Variants in SHANK2 observed in about 807,000 individuals in gnomAD.
SHANK2 encodes SH3 and multiple ankyrin repeat domains 2, also known as SH3 and multiple ankyrin repeat domains protein 2.
Under a neutral mutation model 133.7 loss-of-function variants are expected in SHANK2, and 43 were observed. The ratio of observed to expected loss-of-function variants is 0.32; its 90% confidence interval spans 0.25 to 0.41. The LOEUF (loss-of-function observed/expected upper bound fraction) is 0.41. Among genes scored for constraint, SHANK2 ranks in the 10% least tolerant of loss-of-function variants. SHANK2 has a pLI of 1.00. For synonymous variants in SHANK2, 1,017 were observed against 952.8 expected, an observed-to-expected ratio of 1.07 and a Z score of -1.24; for missense variants, 1,994 against 2,235.8, an observed-to-expected ratio of 0.89 and a Z score of 2.18.
intron 21 of SHANK2, among the ~76,000 whole-genome samples, chr11:70,499,147 G>A (rs1165810880): frequency 2.6e-5 from 4 of 152,254 alleles, no homozygotes; most frequent in African/African-American, 4.8e-5. Context: ...CCCGCACTTC[G>A]CATGTGCGCC....
intron 9 of SHANK2, among the ~76,000 whole-genome samples, chr11:71,070,397 G>A (rs1186601052): frequency 6.6e-6 from 1 of 152,226 alleles, no homozygotes; most frequent in Non-Finnish European, 1.5e-5. Flanking sequence ...ACTGGTTCTT[G>A]GAGGCTAGGC....
At chr11:71,205,246 C>A (rs1234087339) in intron 2 of SHANK2, among the ~76,000 whole-genome samples, 1 of 152,234 alleles carries the variant, frequency 6.6e-6, no homozygotes, top group Non-Finnish European at 1.5e-5. Flanking sequence ...CCCCTTTTCT[C>A]ACAGTCACCA....
chr11:70,701,277 C>G (rs782791535), intron 14 of SHANK2, among the ~76,000 whole-genome samples: 31 of 152,032 alleles, frequency 2.0e-4, no homozygotes, highest in East Asian at 5.8e-4. Context: ...CATGGACCAA[C>G]AAAACTTTAA....
chr11:70,757,629 A>C (rs1175022067), intron 14 of SHANK2, among the ~76,000 whole-genome samples: 1 of 152,130 alleles, frequency 6.6e-6, no homozygotes, highest in African/African-American at 2.4e-5. Context: ...ATTTTTTCCT[A>C]GTGGGTGGGG....
intron 2 of SHANK2, among the ~76,000 whole-genome samples, chr11:71,164,801 T>C (rs1244382815): frequency 3.3e-5 from 5 of 152,212 alleles, no homozygotes; most frequent in Non-Finnish European, 7.3e-5. Flanking sequence ...CTCAGGCATC[T>C]ATCTGTTGGG....
At chr11:70,937,439 C>A (rs574432609) in intron 10 of SHANK2, among the ~76,000 whole-genome samples, 34 of 152,298 alleles carry the variant, frequency 2.2e-4, no homozygotes, top group African/African-American at 8.2e-4. Flanking sequence ...TCCTATGTGA[C>A]CTTCGGATGA....
At chr11:70,889,950 A>T (rs1449277509) in intron 11 of SHANK2, among the ~76,000 whole-genome samples, 2 of 152,168 alleles carry the variant, frequency 1.3e-5, no homozygotes, top group African/African-American at 4.8e-5. Flanking sequence ...CAGAGAAGCA[A>T]CGTGTGTGGA....
intron 3 of SHANK2, among the ~76,000 whole-genome samples, chr11:71,144,250 A>G (rs1224434704): frequency 2.0e-5 from 3 of 152,084 alleles, no homozygotes; most frequent in African/African-American, 7.2e-5. Flanking sequence ...ATAACTAGCT[A>G]CTCATTCACC....
Position 70,655,068 on chromosome 11 carries a change from T to A in SHANK2, c.2061+4760A>T, listed in dbSNP as rs544842135. Among the ~76,000 whole-genome samples, 143 of 152,230 alleles carry A rather than the reference T, an allele frequency of 9.4e-4. 1 individual carries two copies. The highest frequency in any genetic ancestry group is 3.3e-3 in the African/African-American group (138 of 41,538). On this transcript the variant is annotated intron_variant, in intron 17 of 25. Transcript: ENST00000601538. ...ACAGGCGTGATTTCTACCTGTTTTT[T>A]AAAAAATTATTCCCTTAGCATGGAT...
At chr11:71,186,404 T>C (rs1953672921) in intron 2 of SHANK2, among the ~76,000 whole-genome samples, 1 of 152,114 alleles carries the variant, frequency 6.6e-6, no homozygotes, top group Admixed American at 6.5e-5. Context: ...CGCCTTAAGG[T>C]CTATCAGTCA....
At chr11:71,060,705 C>G (rs1052961180) in intron 9 of SHANK2, among the ~76,000 whole-genome samples, 1 of 152,222 alleles carries the variant, frequency 6.6e-6, no homozygotes, top group Non-Finnish European at 1.5e-5. Flanking sequence ...GGCAAAGCCA[C>G]GTGTGAGGCT....
At chr11:70,737,249 G>A (rs1046334256) in intron 14 of SHANK2, among the ~76,000 whole-genome samples, 2 of 152,108 alleles carry the variant, frequency 1.3e-5, no homozygotes, top group Admixed American at 6.5e-5. Context: ...GCCATGTGGC[G>A]CATCCTCCCG....
chr11:70,724,119 T>G (rs1591788607), intron 14 of SHANK2, among the ~76,000 whole-genome samples: 1 of 151,728 alleles, frequency 6.6e-6, no homozygotes, highest in African/African-American at 2.4e-5. Context: ...CAATGCAACC[T>G]CTGCCTTGTG....
In SHANK2 at chr11:70,538,064, G is replaced by C. The variant is rs187764352; in HGVS notation, c.2062-35133C>G. 3.9e-5 allele frequency among the ~76,000 whole-genome samples: 6 copies of C among 152,332 alleles called. No homozygotes were observed. In the East Asian group the frequency reaches 1.2e-3, roughly 29 times the overall value. ...CCTTGAACACTCGTGACCATCCTGGGCCCAGCACACCCACGGGGCAGTAGC... is the reference window on the plus strand; with the variant it reads ...CCTTGAACACTCGTGACCATCCTGGCCCCAGCACACCCACGGGGCAGTAGC... On this transcript the variant is annotated intron_variant, in intron 17 of 25. Coordinates refer to ENST00000601538, the MANE Select transcript of SHANK2 (RefSeq NM_012309.5).
At chr11:70,885,061 T>C (rs76137281) in intron 11 of SHANK2, among the ~76,000 whole-genome samples, 1,997 of 152,266 alleles carry the variant, frequency 0.013, 44 homozygotes, top group African/African-American at 0.044. Flanking sequence ...CAGGGTATGT[T>C]ATCTAAGAGT....
At chr11:70,712,555 G>A (rs1945812002) in intron 14 of SHANK2, among the ~76,000 whole-genome samples, 1 of 152,220 alleles carries the variant, frequency 6.6e-6, no homozygotes, top group African/African-American at 2.4e-5. Flanking sequence ...GCAGAGAAGC[G>A]GCTTCCAGGA....
At chr11:71,184,433 G>C (rs1306157705) in intron 2 of SHANK2, among the ~76,000 whole-genome samples, 3 of 152,162 alleles carry the variant, frequency 2.0e-5, no homozygotes, top group African/African-American at 7.2e-5. Flanking sequence ...TGGGGCCCTT[G>C]ATTCAGAGTT....
chr11:71,161,861 A>G (rs1953025912), intron 2 of SHANK2, among the ~76,000 whole-genome samples: 1 of 152,146 alleles, frequency 6.6e-6, no homozygotes, highest in Admixed American at 6.5e-5. Flanking sequence ...CTCAGAATAA[A>G]CCTCTTTAAA....
intron 9 of SHANK2, among the ~76,000 whole-genome samples, chr11:71,069,821 T>C (rs1303104853): frequency 6.6e-6 from 1 of 152,184 alleles, no homozygotes; most frequent in Non-Finnish European, 1.5e-5. Context: ...CCTGTCTTGA[T>C]TCAAAGGCAC....
Sources: allele counts gnomAD v4.1 joint callset (sites outside exome capture counted in the v4.1 genomes callset), GRCh38; gene constraint gnomAD v4.1.1; transcripts MANE v1.5; gene names NCBI Gene and HGNC (gene_info 2026-07-23, HGNC 2026-07-21).